The following KLF12 variants were observed in gnomAD, a reference collection of about 807,000 sequenced individuals.
KLF12 encodes Krueppel-like factor 12.
KLF12 carries 9 observed loss-of-function variants against 37.8 expected under a neutral mutation model. The ratio of observed to expected loss-of-function variants is 0.24; its 90% CI spans 0.14 to 0.42. KLF12 has a LOEUF of 0.42. KLF12 is among the 10% of genes least tolerant of loss of function. KLF12 has a pLI of 1.00. For missense variants in KLF12, 411 were observed against 516.0 expected (o/e 0.80, Z 1.97); for synonymous variants, 208 against 202.1 (o/e 1.03, Z -0.25).
chr13:74,064,570 CCA>C (rs1353319079), intron 1 of KLF12, among the ~76,000 whole-genome samples: 5 of 152,134 alleles, frequency 3.3e-5, no homozygotes, highest in African/African-American at 1.2e-4. Flanking sequence ...TGGACATAGT[CCA>C]GAGACATGAC....
chr13:73,859,211 G>A (rs901991430), intron 3 of KLF12, among the ~76,000 whole-genome samples: 1 of 152,170 alleles, frequency 6.6e-6, no homozygotes, highest in Non-Finnish European at 1.5e-5. Context: ...AAAAGTCTGT[G>A]GGGTAGGGAG....
chr13:74,148,271 G>A, the KLF12 span, among the ~76,000 whole-genome samples: 1 of 151,832 alleles, frequency 6.6e-6, no homozygotes, highest in South Asian at 2.1e-4. Flanking sequence ...CCTCCCTTCA[G>A]CATACAACAT....
intron 2 of KLF12, among the ~76,000 whole-genome samples, chr13:73,948,228 C>CT (rs368404181): frequency 0.012 from 1,766 of 146,874 alleles, 24 homozygotes; most frequent in African/African-American, 0.037. Flanking sequence ...ATAGCAGATT[C>CT]TTTTTTTTTT....
rs187821542 is a variant in KLF12 at position 73,838,124 on chromosome 13, C to T, written c.670+7703G>A. Among the ~76,000 whole-genome samples the T allele has an allele frequency of 5.0e-3, 754 of 151,054 alleles. 2 individuals carry two copies. The highest frequency in any genetic ancestry group is 0.014 in the Middle Eastern group (4 of 294). The stretch of plus-strand genomic sequence containing the variant: ...AAATGGGAAGTTCCATGGGAATAAA[C>T]TCCAGTTGCATCAACGGGACAGAAC... On this transcript the variant is annotated intron_variant, in intron 4 of 7. Coordinates refer to ENST00000377669, the MANE Select transcript of KLF12 (RefSeq NM_007249.5).
At chr13:74,074,914 G>A (rs1373245489) in intron 1 of KLF12, among the ~76,000 whole-genome samples, 1 of 152,172 alleles carries the variant, frequency 6.6e-6, no homozygotes, top group Non-Finnish European at 1.5e-5. Flanking sequence ...TTCTACAAAG[G>A]AACTGAAGCA....
the KLF12 span, among the ~76,000 whole-genome samples, chr13:74,222,075 C>T: frequency 2.6e-5 from 4 of 152,174 alleles, no homozygotes; most frequent in Non-Finnish European, 2.9e-5. Flanking sequence ...TGAATGTCTA[C>T]GTAGGTATTT....
the KLF12 span, among the ~76,000 whole-genome samples, chr13:74,188,441 A>G: frequency 6.6e-6 from 1 of 152,212 alleles, no homozygotes; most frequent in East Asian, 1.9e-4. Flanking sequence ...TGGAAAGTTC[A>G]ACGGTTCTAA....
intron 2 of KLF12, among the ~76,000 whole-genome samples, chr13:73,966,100 C>G (rs1003472911): frequency 6.6e-6 from 1 of 152,170 alleles, no homozygotes; most frequent in Non-Finnish European, 1.5e-5. Flanking sequence ...ATCTTGGAAG[C>G]AAGCTAACTG....
the KLF12 span, among the ~76,000 whole-genome samples, chr13:74,254,184 T>C: frequency 6.6e-6 from 1 of 152,204 alleles, no homozygotes; most frequent in Admixed American, 6.5e-5. Context: ...TTTTGCCTTT[T>C]AGTAGTGCTG....
chr13:74,036,304 G>A (rs530167208), intron 1 of KLF12, among the ~76,000 whole-genome samples: 21 of 152,214 alleles, frequency 1.4e-4, no homozygotes, highest in Middle Eastern at 3.4e-3. Flanking sequence ...TTCAAAGAAC[G>A]ACCTTAACTT....
At chr13:74,148,178 G>A in the KLF12 span, among the ~76,000 whole-genome samples, 2 of 151,944 alleles carry the variant, frequency 1.3e-5, no homozygotes, top group Non-Finnish European at 1.5e-5. Context: ...GCCTCCCAAG[G>A]TGCTGAGATT....
chr13:73,787,399 A>T (rs1011988264), intron 5 of KLF12, among the ~76,000 whole-genome samples: 1 of 152,238 alleles, frequency 6.6e-6, no homozygotes, highest in Admixed American at 6.5e-5. Context: ...TATTCTCTCC[A>T]GGGTAAAATA....
rs144504589 is a variant in KLF12 at position 73,810,087 on chromosome 13, A to G, written c.806+3065T>C. On this transcript the variant is annotated intron_variant, in intron 5 of 7. Coordinates refer to ENST00000377669, the MANE Select transcript of KLF12 (RefSeq NM_007249.5). Reference sequence around the variant, plus strand: ...TGGTGAAACTCTGTCTCTACAAAAAATACAAAAATTAGCTGGGCATGGTGG... The same window carrying G: ...TGGTGAAACTCTGTCTCTACAAAAAGTACAAAAATTAGCTGGGCATGGTGG... Among the ~76,000 whole-genome samples the G allele has an allele frequency of 1.3e-3, 194 of 152,272 alleles. 2 individuals are homozygous for G. The East Asian group carries it at 0.036, about 28-fold the overall frequency.
the KLF12 span, among the ~76,000 whole-genome samples, chr13:74,290,115 A>G: frequency 4.6e-5 from 7 of 152,068 alleles, no homozygotes; most frequent in Non-Finnish European, 1.0e-4. Flanking sequence ...TGTCTGCTAG[A>G]CCCCCAGACA....
intron 1 of KLF12, among the ~76,000 whole-genome samples, chr13:74,066,296 C>T (rs1566195892): frequency 6.6e-6 from 1 of 152,192 alleles, no homozygotes; most frequent in African/African-American, 2.4e-5. Context: ...GTCCAGCACA[C>T]TTTTCTTTAT....
chr13:73,934,571 CTGAT>C (rs1219257021), intron 3 of KLF12, among the ~76,000 whole-genome samples: 1 of 152,118 alleles, frequency 6.6e-6, no homozygotes, highest in Non-Finnish European at 1.5e-5. Context: ...TCTTTCCTGA[CTGAT>C]TTCAGATAAG....
At chr13:74,076,972 G>A (rs1219164483) in intron 1 of KLF12, among the ~76,000 whole-genome samples, 2 of 152,134 alleles carry the variant, frequency 1.3e-5, no homozygotes, top group Admixed American at 6.6e-5. Flanking sequence ...CAAAAGACAT[G>A]ATCTCATTCT....
At chr13:74,210,767 G>A in the KLF12 span, among the ~76,000 whole-genome samples, 1 of 152,102 alleles carries the variant, frequency 6.6e-6, no homozygotes, top group Non-Finnish European at 1.5e-5. Context: ...TGGTTTCTTG[G>A]ACTCCTGTAA....
At chr13:74,233,424 G>C in the KLF12 span, among the ~76,000 whole-genome samples, 1 of 152,104 alleles carries the variant, frequency 6.6e-6, no homozygotes, top group African/African-American at 2.4e-5. Context: ...AAAAACACGA[G>C]AGTGCCTCGG....
Sources: gnomAD v4.1 joint callset for allele counts (sites outside exome capture counted in the v4.1 genomes callset) on GRCh38, gnomAD v4.1.1 for gene constraint, MANE v1.5 for transcripts, NCBI Gene and HGNC (gene_info 2026-07-23, HGNC 2026-07-21) for gene names.